Variants in TRPM5 observed in about 807,000 individuals in gnomAD.
TRPM5 encodes the protein transient receptor potential cation channel subfamily M member 5, also known as MLSN1 and TRP-related.
TRPM5 carries 121 observed loss-of-function variants against 124.9 expected under a neutral mutation model. That is an observed-to-expected ratio of 0.97 (90% CI 0.84 to 1.13). The LOEUF (loss-of-function observed/expected upper bound fraction) is 1.13, where lower values mean the gene tolerates loss of function less well. Ranked by LOEUF, TRPM5 falls within the 50% of genes most tolerant of loss-of-function variation. The pLI, the probability that TRPM5 is intolerant of heterozygous loss-of-function variation, is 0.00. For missense variants in TRPM5, 1,643 were observed against 1,589.1 expected (o/e 1.03, Z -0.58); for synonymous variants, 781 against 700.5 (o/e 1.11, Z -1.81).
At chr11:2,419,991 C>T (rs1305284815) in intron 4 of TRPM5, among the ~76,000 whole-genome samples, 2 of 152,218 alleles carry the variant, frequency 1.3e-5, no homozygotes, top group Non-Finnish European at 2.9e-5. Flanking sequence ...CAGTCAGAGC[C>T]ACTCTGTCCA....
the TRPM5 span, among the ~76,000 whole-genome samples, chr11:2,429,433 ATAAT>A: frequency 6.7e-6 from 1 of 148,904 alleles, no homozygotes; most frequent in Non-Finnish European, 1.5e-5. This position sits in a 1 kb window ranked among gnomAD's most constrained non-coding sequence, Gnocchi z 8.4. Flanking sequence ...GATAGTGTTA[ATAAT>A]TGTGGTGATG....
At chr11:2,414,087 C>T (rs1156595438) in exon 12 of TRPM5, 2 of 1,562,554 alleles carry the variant, frequency 1.3e-6, no homozygotes, top group South Asian at 1.2e-5. Context: ...GCAAAGAAGG[C>T]CTTGGCGTCA....
At chr11:2,438,439 C>T in the TRPM5 span, among the ~76,000 whole-genome samples, 4 of 152,116 alleles carry the variant, frequency 2.6e-5, no homozygotes, top group East Asian at 3.8e-4. The surrounding 1 kb of genome is among the most constrained non-coding windows in gnomAD (Gnocchi z 5.9). Flanking sequence ...CTGAAGCGAG[C>T]GGATCACTTG....
At chr11:2,416,004 C>T in exon 8 of TRPM5, 3 of 1,592,804 alleles carry the variant, frequency 1.9e-6, no homozygotes, top group East Asian at 4.5e-5. Flanking sequence ...TCCTGAGGCT[C>T]CTGGCTGTGG....
chr11:2,431,463 G>C, the TRPM5 span, among the ~76,000 whole-genome samples: 1 of 152,090 alleles, frequency 6.6e-6, no homozygotes. Flanking sequence ...CTATGGGGTT[G>C]GGAGGCACAG....
chr11:2,411,257 C>T (rs1850445116), intron 18 of TRPM5, 95 bp downstream of exon 23: 3 of 1,391,614 alleles, frequency 2.2e-6, no homozygotes, highest in Admixed American at 5.7e-5. Context: ...TCTCCATGGC[C>T]CCAACAGACC....
chr11:2,444,087 C>T, the TRPM5 span, among the ~76,000 whole-genome samples: 5 of 152,308 alleles, frequency 3.3e-5, no homozygotes, highest in South Asian at 4.1e-4. Flanking sequence ...GTCCAGACCC[C>T]GGCTGTGCCG....
chr11:2,413,565 C>G, exon 13 of TRPM5: 1 of 1,612,596 alleles, frequency 6.2e-7, no homozygotes, highest in Non-Finnish European at 8.5e-7. Flanking sequence ...CCATGTCCCC[C>G]CACCAGATCC....
At chr11:2,418,903 C>T (rs1214229019) in intron 4 of TRPM5, among the ~76,000 whole-genome samples, 1 of 152,206 alleles carries the variant, frequency 6.6e-6, no homozygotes, top group Non-Finnish European at 1.5e-5. Flanking sequence ...ACACTGCACG[C>T]GCTCATGCTG....
Position 2,407,308 on chromosome 11 carries a change from G to A in TRPM5, c.2937-8C>T, listed in dbSNP as rs773280467. The A allele has an allele frequency of 2.5e-6, 4 of 1,605,294 alleles. No homozygotes were observed. The highest frequency in any genetic ancestry group is 2.5e-6 in the Non-Finnish European group (3 of 1,177,364). On this transcript the variant is annotated splice_polypyrimidine_tract_variant and splice_region_variant and intron_variant, in intron 19 of 23. Coordinates refer to ENST00000155858, the Ensembl canonical transcript of TRPM5. ...ACCACCTGGAACGTGTAGCTGCAGG[G>A]GCACAGCTGAGCCGTCACCTACCGG...
exon 6 of TRPM5, chr11:2,418,344 G>C (rs769573056): frequency 2.3e-5 from 35 of 1,553,434 alleles, no homozygotes; most frequent in Non-Finnish European, 2.9e-5. Flanking sequence ...CCTGCTCCAC[G>C]GCCCTGGAGA....
chr11:2,420,828 G>C (rs534852433), intron 3 of TRPM5, among the ~76,000 whole-genome samples: 1 of 152,196 alleles, frequency 6.6e-6, no homozygotes, highest in South Asian at 2.1e-4. Flanking sequence ...TGGTACAGGA[G>C]GGGGTGAGGG....
At chr11:2,415,579 G>T in intron 8 of TRPM5, 108 bp from the exon 14 acceptor site, 5 of 793,838 alleles carry the variant, frequency 6.3e-6, no homozygotes, top group Non-Finnish European at 7.8e-6. Context: ...TCCATCCCCA[G>T]GGCCAGGTCA....
chr11:2,418,760 A>G (rs748137181), intron 4 of TRPM5, among the ~76,000 whole-genome samples, 169 bp from the exon 10 acceptor site: 16 of 152,160 alleles, frequency 1.1e-4, no homozygotes, highest in Non-Finnish European at 2.1e-4. Context: ...CCCCTGCCAT[A>G]TGAGGGCCGA....
In TRPM5 at chr11:2,411,638, G is replaced by T. The variant is rs542214964; in HGVS notation, c.2604C>A (p.Arg868=). ...GCCAGGGCCCCCGGGGGCTCACCAT[G>T]CGCTCTACCACGATGATCTTGGGGC... Residue 868 remains arginine (R), a synonymous_variant, in exon 17 of 24, where the codon CGC becomes CGA. Coordinates refer to ENST00000155858, the Ensembl canonical transcript of TRPM5. 255 of 1,612,808 alleles carry T rather than the reference G, an allele frequency of 1.6e-4. 5 individuals are homozygous for T. The South Asian group carries it at 2.7e-3, about 17-fold the overall frequency.
intron 19 of TRPM5, 139 bp downstream of exon 24, chr11:2,407,620 C>T: frequency 8.6e-7 from 1 of 1,162,708 alleles, no homozygotes; most frequent in Non-Finnish European, 1.2e-6. Context: ...CCAGGCTATG[C>T]CACCTTCTAT....
At position 2,422,127 on chromosome 11, in the gene TRPM5, G is replaced by A. The variant is rs138304763; in HGVS notation, c.298+14C>T. On this transcript the variant is annotated intron_variant, in intron 2 of 23. Transcript: ENST00000155858. Reference sequence around the variant, plus strand: ...GTGGGGTGGGAGCGCTGCCTGTGCCGGGTGGGGCCTCACCTGTGCTCTGAG... The same window carrying A: ...GTGGGGTGGGAGCGCTGCCTGTGCCAGGTGGGGCCTCACCTGTGCTCTGAG... The A allele has an allele frequency of 2.9e-3, 4,610 of 1,578,910 alleles. 11 individuals carry two copies. The highest frequency in any genetic ancestry group is 3.5e-3 in the Non-Finnish European group (4,077 of 1,160,908).
Position 2,418,270 on chromosome 11 carries a change from T to C in TRPM5, c.803A>G (p.Asn268Ser), listed in dbSNP as rs949632784. The C allele has an allele frequency of 4.7e-5, 75 of 1,582,004 alleles. No individual in the cohort carries two copies. Among genetic ancestry groups the C allele is most frequent in the Non-Finnish European group, 6.0e-5 (70 of 1,164,648 alleles). ...CTTGGGCACCAGGAGGTGGGGCTGG[T>C]TCACTAGGGCAGCAAGCACATCGGC... Residue 268 changes from asparagine to serine, a missense_variant, in exon 6 of 24, where the codon AAC (asparagine) becomes AGC (serine). Transcript: ENST00000155858.
chr11:2,414,017 A>AACAC, intron 12 of TRPM5, 44 bp downstream of exon 17: 1 of 357,912 alleles, frequency 2.8e-6, no homozygotes, highest in Non-Finnish European at 5.0e-6. Context: ...TCGCCCGCCC[A>AACAC]CCCCACCCCC....
Sources: gnomAD v4.1 joint callset for allele counts (sites outside exome capture counted in the v4.1 genomes callset) on GRCh38, gnomAD v4.1.1 for gene constraint, Gnocchi (gnomAD v3.1) non-coding constraint, MANE v1.5 for transcripts, NCBI Gene and HGNC (gene_info 2026-07-23, HGNC 2026-07-21) for gene names.